ABCA13: variants seen among roughly 807,000 people sequenced by gnomAD.
ABCA13 encodes ATP binding cassette subfamily A member 13.
In ABCA13, 476 loss-of-function variants were observed where a neutral mutation model predicts 478.7. The observed-to-expected ratio is 0.99, with a 90% CI of 0.92 to 1.07. The LOEUF is 1.07. Among genes scored for constraint, ABCA13 ranks in the 50% least tolerant of loss-of-function variants. The pLI is 0.00. For synonymous variants in ABCA13, 2,252 were observed against 2,158.9 expected (o/e 1.04, Z -1.20); for missense variants, 6,060 against 5,910.6 (o/e 1.03, Z -0.83).
chr7:48,371,868 G>A (rs116880558), intron 32 of ABCA13, among the ~76,000 whole-genome samples: 5,608 of 152,232 alleles, frequency 0.037, 125 homozygotes, highest in South Asian at 0.058. Context: ...TCCTGTGCCA[G>A]TTTTTAAGGG....
intron 2 of ABCA13, among the ~76,000 whole-genome samples, chr7:48,197,345 C>T (rs1261347748): frequency 6.6e-6 from 1 of 152,178 alleles, no homozygotes; most frequent in Non-Finnish European, 1.5e-5. Context: ...CCTGGCAATA[C>T]TGGGGCGCTG....
intron 35 of ABCA13, 132 bp from the exon 36 acceptor site, chr7:48,387,690 A>G (rs1585111541): frequency 1.2e-6 from 1 of 804,716 alleles, no homozygotes; most frequent in Non-Finnish European, 1.8e-6. Context: ...GGGATATCAC[A>G]TTTTGTATAT....
Position 48,524,316 on chromosome 7 carries a change from G to C in ABCA13, c.14120G>C (p.Arg4707Thr). The C allele has an allele frequency of 6.2e-7, 1 of 1,613,192 alleles. No homozygotes were observed. The highest frequency in any genetic ancestry group is 1.1e-5 in the South Asian group (1 of 90,964). The change falls in exon 54 of 62, where the codon AGA becomes ACA. Residue 4707 changes from arginine (R) to threonine (T), a missense_variant. Coordinates refer to ENST00000435803, the MANE Select transcript of ABCA13 (RefSeq NM_152701.5). ...KDTDVEKEEK[R>T]VFEGRTNGDI... ...ACAGATGTTGAAAAAGAGGAAAAGA[G>C]AGTGTTTGAAGGAAGGACCAATGGA... is the stretch of plus-strand genomic sequence containing the variant.
chr7:48,190,369 GTAATCAACTA>G (rs1347316191), intron 1 of ABCA13, among the ~76,000 whole-genome samples: 1 of 152,092 alleles, frequency 6.6e-6, no homozygotes, highest in Non-Finnish European at 1.5e-5. Flanking sequence ...CTTGTTATCT[GTAATCAACTA>G]TAATAGAGTA....
chr7:48,330,523 A>ATCCATG (rs1805185391), intron 27 of ABCA13, among the ~76,000 whole-genome samples: 3 of 65,222 alleles, frequency 4.6e-5, no homozygotes, highest in African/African-American at 1.7e-4. Context: ...ATCCATCCAT[A>ATCCATG]TATCCATCTA....
intron 29 of ABCA13, among the ~76,000 whole-genome samples, chr7:48,348,486 G>C (rs1433669509): frequency 6.6e-6 from 1 of 152,190 alleles, no homozygotes; most frequent in Admixed American, 6.5e-5. Flanking sequence ...ACTCTGGCTT[G>C]AGCTATTTTC....
intron 55 of ABCA13, among the ~76,000 whole-genome samples, chr7:48,547,034 A>G (rs1315748581): frequency 1.3e-5 from 2 of 151,848 alleles, no homozygotes; most frequent in Admixed American, 6.6e-5. Flanking sequence ...CATCAAAGTG[A>G]TTTTTATTCT....
intron 23 of ABCA13, among the ~76,000 whole-genome samples, chr7:48,305,723 G>A (rs1349521706): frequency 6.6e-6 from 1 of 152,174 alleles, no homozygotes; most frequent in Non-Finnish European, 1.5e-5. Flanking sequence ...TGCTAAAAAT[G>A]CAAATGCCTC....
chr7:48,337,361 A>T (rs1031569028), intron 28 of ABCA13, among the ~76,000 whole-genome samples: 16 of 152,252 alleles, frequency 1.1e-4, no homozygotes, highest in Admixed American at 3.3e-4. Context: ...ATTGACTGGC[A>T]AATAGCGAAT....
At chr7:48,310,785 TGAG>T (rs1357392981) in intron 24 of ABCA13, among the ~76,000 whole-genome samples, 4 of 151,972 alleles carry the variant, frequency 2.6e-5, no homozygotes, top group Admixed American at 2.6e-4. Flanking sequence ...GAGTGGGAAG[TGAG>T]GAGGAGCTGG....
chr7:48,571,067 T>C (rs1327369542), intron 55 of ABCA13, among the ~76,000 whole-genome samples: 1 of 152,200 alleles, frequency 6.6e-6, no homozygotes, highest in African/African-American at 2.4e-5. Context: ...TTCAATAGTT[T>C]ATAAAATTGT....
Position 48,551,459 on chromosome 7 carries a change from T to C in ABCA13, c.14354+23114T>C, listed in dbSNP as rs190619642. On this transcript the variant is annotated intron_variant, in intron 55 of 61. Coordinates refer to ENST00000435803, the MANE Select transcript of ABCA13 (RefSeq NM_152701.5). Reference sequence around the variant, plus strand: ...AAATTTGAATTTCCAGAATCAATAGTGAAATATTTTTGAGTTACAGACACA... The same window carrying C: ...AAATTTGAATTTCCAGAATCAATAGCGAAATATTTTTGAGTTACAGACACA... 1.8e-3 allele frequency among the ~76,000 whole-genome samples: 269 copies of C among 151,974 alleles called. 4 individuals are homozygous for C. Among genetic ancestry groups the C allele is most frequent in the African/African-American group, 6.2e-3 (259 of 41,556 alleles).
intron 47 of ABCA13, among the ~76,000 whole-genome samples, chr7:48,483,995 A>G (rs1395722979): frequency 1.3e-5 from 2 of 152,214 alleles, no homozygotes; most frequent in African/African-American, 2.4e-5. Flanking sequence ...GTGTCTACTC[A>G]TGAGCCAATT....
chr7:48,629,355 A>G (rs1013339512), intron 59 of ABCA13, among the ~76,000 whole-genome samples: 1 of 152,150 alleles, frequency 6.6e-6, no homozygotes, highest in Non-Finnish European at 1.5e-5. Flanking sequence ...AAGGAAATGG[A>G]TTTCTTTATT....
At chr7:48,402,876 G>A (rs892468178) in intron 38 of ABCA13, among the ~76,000 whole-genome samples, 1 of 152,198 alleles carries the variant, frequency 6.6e-6, no homozygotes, top group Non-Finnish European at 1.5e-5. Context: ...CTCCACTTTG[G>A]TTTGAGTGGT....
chr7:48,594,919 T>A (rs1457490151), intron 58 of ABCA13, 106 bp downstream of exon 58: 2 of 891,434 alleles, frequency 2.2e-6, no homozygotes, highest in African/African-American at 1.7e-5. Context: ...CATTTCTTAA[T>A]CTTTACAACA....
At chr7:48,320,257 AG>A (rs1803247049) in intron 27 of ABCA13, among the ~76,000 whole-genome samples, 1 of 152,238 alleles carries the variant, frequency 6.6e-6, no homozygotes, top group African/African-American at 2.4e-5. Context: ...CTGCAGCAAC[AG>A]GGAGAAAATA....
At chr7:48,435,104 A>G (rs761802612) in intron 42 of ABCA13, among the ~76,000 whole-genome samples, 12 of 151,900 alleles carry the variant, frequency 7.9e-5, no homozygotes, top group Non-Finnish European at 1.6e-4. Flanking sequence ...TGGTATTGAT[A>G]TCTCAAAAAT....
intron 8 of ABCA13, among the ~76,000 whole-genome samples, chr7:48,236,678 T>G (rs1526101): frequency 0.15 from 22,225 of 152,236 alleles, 1,817 homozygotes; most frequent in African/African-American, 0.22. Flanking sequence ...TACACTGGGC[T>G]CACCAGGTTA....
Sources: allele counts gnomAD v4.1 joint callset (sites outside exome capture counted in the v4.1 genomes callset), GRCh38; gene constraint gnomAD v4.1.1; transcripts MANE v1.5; gene names NCBI Gene and HGNC (gene_info 2026-07-23, HGNC 2026-07-21).